Variants in PCDH11X observed in about 807,000 individuals in gnomAD.
PCDH11X encodes protocadherin-11 X-linked.
PCDH11X carries 18 observed loss-of-function variants against 53.3 expected under a neutral mutation model. The ratio of observed to expected loss-of-function variants is 0.34; its 90% CI spans 0.23 to 0.50. The LOEUF (loss-of-function observed/expected upper bound fraction) is 0.50, where lower values mean the gene tolerates loss of function less well. PCDH11X is among the 20% of genes least tolerant of loss of function. PCDH11X has a pLI of 0.98. For synonymous variants in PCDH11X, 279 were observed against 393.3 expected, an observed-to-expected ratio of 0.71 and a Z score of 3.44; for missense variants, 570 against 1,032.4, an observed-to-expected ratio of 0.55 and a Z score of 6.14.
At chrX:91,832,462 G>A (rs1399363518) in intron 4 of PCDH11X, among the ~76,000 whole-genome samples, 1 of 95,966 alleles carries the variant, frequency 1.0e-5, no homozygotes, top group Non-Finnish European at 2.1e-5. Context: ...TTGGACACAG[G>A]GTGGGGAACA....
At position 92,161,584 on chromosome X, in the gene PCDH11X, T is replaced by C. The variant is rs773247970; in HGVS notation, c.3034-39791T>C. 9.1e-5 allele frequency among the ~76,000 whole-genome samples: 10 copies of C among 109,606 alleles called. No individual in the cohort carries two copies. The South Asian group carries it at 3.9e-3, about 42-fold the overall frequency. On this transcript the variant is annotated intron_variant, in intron 6 of 10. Transcript: ENST00000682573. ...GGTCTCTAGCAAGGCCGGGGAAGTT[T>C]TCCTCAATTAGTCCCCCAAATATGT...
chrX:92,580,596 G>C lies in PCDH11X; in HGVS notation c.3368-37668G>C, dbSNP rs775065473. ...GCCCAGTCTCCCTCTCACAGGCCGG[G>C]AAAAAAAAGCCTACTGAAGCTGCAG... On this transcript the variant is annotated intron_variant, in intron 10 of 10. Transcript: ENST00000682573. Among the ~76,000 whole-genome samples, 3 of 110,326 alleles carry C rather than the reference G, an allele frequency of 2.7e-5. No homozygotes were observed. In the South Asian group the frequency reaches 1.2e-3, roughly 43 times the overall value.
chrX:92,424,679 T>C (rs1221942885), intron 9 of PCDH11X, among the ~76,000 whole-genome samples: 2 of 97,811 alleles, frequency 2.0e-5, no homozygotes, highest in East Asian at 5.9e-4. Flanking sequence ...GCTTACATTA[T>C]GGACAAATCT....
intron 6 of PCDH11X, among the ~76,000 whole-genome samples, chrX:92,010,133 G>A (rs1482140521): frequency 9.0e-6 from 1 of 110,740 alleles, no homozygotes; most frequent in Non-Finnish European, 1.9e-5. Context: ...ACTGTTCTGT[G>A]CACATGGAAA....
At chrX:91,917,814 A>G (rs1371514853) in intron 6 of PCDH11X, among the ~76,000 whole-genome samples, 1 of 110,321 alleles carries the variant, frequency 9.1e-6, no homozygotes, top group Non-Finnish European at 1.9e-5. Flanking sequence ...ACAGAACCAG[A>G]AAAAAACTAT....
intron 5 of PCDH11X, among the ~76,000 whole-genome samples, chrX:91,852,839 C>T (rs970070022): frequency 1.9e-5 from 2 of 105,481 alleles, no homozygotes; most frequent in Non-Finnish European, 3.9e-5. Flanking sequence ...CCAGGAATTT[C>T]AACAATAGAA....
intron 6 of PCDH11X, among the ~76,000 whole-genome samples, chrX:92,104,993 G>C (rs1569358230): frequency 9.0e-6 from 1 of 111,263 alleles, no homozygotes; most frequent in African/African-American, 3.3e-5. Flanking sequence ...TTGCCACCAA[G>C]GGTGAAGGAC....
intron 6 of PCDH11X, among the ~76,000 whole-genome samples, chrX:91,922,478 G>C (rs12859865): frequency 0.17 from 19,202 of 111,004 alleles, 1,235 homozygotes; most frequent in East Asian, 0.24. Context: ...TGACCTGTTA[G>C]GAACTGGGGC....
At chrX:91,889,964 G>C (rs748204685) in intron 6 of PCDH11X, among the ~76,000 whole-genome samples, 2 of 109,887 alleles carry the variant, frequency 1.8e-5, no homozygotes, top group East Asian at 5.8e-4. Context: ...TTTTAGTTGT[G>C]TATAAAGACA....
At position 92,343,708 on chromosome X, in the gene PCDH11X, G is replaced by A. The variant is rs927325918; in HGVS notation, c.3145-44027G>A. On this transcript the variant is annotated intron_variant, in intron 8 of 10. Coordinates refer to ENST00000682573, the MANE Select transcript of PCDH11X (RefSeq NM_032968.5). Reference sequence around the variant, plus strand: ...AATACATTGTGCCTTTAGCAATAACGTTTAAAAATTATTTCTAATCAAGAA... The same window carrying A: ...AATACATTGTGCCTTTAGCAATAACATTTAAAAATTATTTCTAATCAAGAA... 4.5e-5 allele frequency among the ~76,000 whole-genome samples: 5 copies of A among 111,188 alleles called. No individual in the cohort carries two copies. In the East Asian group the frequency reaches 8.5e-4, roughly 19 times the overall value.
At chrX:92,092,625 C>T (rs866460217) in intron 6 of PCDH11X, among the ~76,000 whole-genome samples, 45 of 111,341 alleles carry the variant, frequency 4.0e-4, no homozygotes, top group African/African-American at 1.4e-3. Context: ...ATGAGACAAA[C>T]GTTTGCATTA....
intron 6 of PCDH11X, among the ~76,000 whole-genome samples, chrX:92,152,868 G>T (rs1176681494): frequency 9.1e-6 from 1 of 110,054 alleles, no homozygotes. Flanking sequence ...CGTGATCTCG[G>T]CTCAGTGCAA....
chrX:92,096,151 ATGT>A (rs1208781618), intron 6 of PCDH11X, among the ~76,000 whole-genome samples: 5 of 111,954 alleles, frequency 4.5e-5, no homozygotes, highest in African/African-American at 1.6e-4. Context: ...TTAGATTGAA[ATGT>A]TGTTTGATAT....
chrX:92,618,604 A>G lies in PCDH11X; in HGVS notation c.3708A>G (p.Pro1236=). The G allele has an allele frequency of 8.3e-7, 1 of 1,211,425 alleles. No homozygotes were observed. Residue 1236 remains proline (P), a synonymous_variant, in exon 11 of 11, where the codon CCA becomes CCG. Transcript: ENST00000682573. ...VQATALHHSP[P]SAQASALCYS... is the part of the protein sequence containing the mutation. Reference sequence around the variant, plus strand: ...CTACTGCACTTCACCACAGCCCACCATCAGCACAGGCCTCAGCCCTCTGCT... The same window carrying G: ...CTACTGCACTTCACCACAGCCCACCGTCAGCACAGGCCTCAGCCCTCTGCT...
chrX:92,539,983 T>A (rs1482426394), intron 10 of PCDH11X, among the ~76,000 whole-genome samples: 2 of 111,375 alleles, frequency 1.8e-5, no homozygotes, highest in African/African-American at 3.3e-5. Flanking sequence ...TCACCACCAC[T>A]GGGTCTGTGC....
At chrX:92,137,767 G>A (rs2065106089) in intron 6 of PCDH11X, among the ~76,000 whole-genome samples, 2 of 108,672 alleles carry the variant, frequency 1.8e-5, no homozygotes, top group African/African-American at 3.4e-5. Flanking sequence ...TTGCTTATTC[G>A]GGATATTTCA....
chrX:92,252,398 C>CAT (rs61286837), intron 7 of PCDH11X, among the ~76,000 whole-genome samples: 3 of 110,764 alleles, frequency 2.7e-5, no homozygotes, highest in Non-Finnish European at 5.7e-5. Context: ...CACACACACA[C>CAT]GCATGTGTGC....
intron 6 of PCDH11X, among the ~76,000 whole-genome samples, chrX:91,907,370 AAC>A (rs777259208): frequency 1.4e-3 from 51 of 36,135 alleles, no homozygotes; most frequent in South Asian, 3.4e-3. Context: ...CACCACCCTC[AAC>A]ACACACACAC....
rs768102695 is a variant in PCDH11X at position 92,387,761 on chromosome X, G to C, written c.3171G>C (p.Leu1057=). The change falls in exon 9 of 11, where the codon CTG becomes CTC. Residue 1057 remains leucine, a synonymous_variant. Transcript: ENST00000682573. ...CCCAGCGGCGTGTCACATTTCACCTGCCAGAAGGCTCTCAGGAAAGCAGCA... is the reference window on the plus strand; with the variant it reads ...CCCAGCGGCGTGTCACATTTCACCTCCCAGAAGGCTCTCAGGAAAGCAGCA... ...GKSQRRVTFH[L]PEGSQESSSD... 3 of 1,211,755 alleles carry C rather than the reference G, an allele frequency of 2.5e-6. No individual in the cohort carries two copies. In the East Asian group the frequency reaches 8.9e-5, roughly 36 times the overall value.
Sources: allele counts gnomAD v4.1 joint callset (sites outside exome capture counted in the v4.1 genomes callset), GRCh38; gene constraint gnomAD v4.1.1; transcripts MANE v1.5; gene names NCBI Gene and HGNC (gene_info 2026-07-23, HGNC 2026-07-21).